The following TENM3 variants were observed in gnomAD, a reference collection of about 807,000 sequenced individuals.
TENM3 encodes teneurin transmembrane protein 3.
A neutral mutation model predicts 255.1 loss-of-function variants in TENM3; 63 were observed. That is an observed-to-expected ratio of 0.25 (90% confidence interval 0.20 to 0.30). The LOEUF (loss-of-function observed/expected upper bound fraction) is 0.30. Among genes scored for constraint, TENM3 ranks in the 10% least tolerant of loss-of-function variants. TENM3 has a pLI of 1.00. For missense variants in TENM3, 2,929 were observed against 3,461.1 expected, an observed-to-expected ratio of 0.85 and a Z score of 3.86; for synonymous variants, 1,306 against 1,322.3, an observed-to-expected ratio of 0.99 and a Z score of 0.27.
chr4:182,784,038 C>A (rs1207287144), intron 24 of TENM3, among the ~76,000 whole-genome samples: 7 of 152,200 alleles, frequency 4.6e-5, no homozygotes, highest in South Asian at 2.1e-4. Flanking sequence ...GATCGTCTGA[C>A]GCCTTCTACT....
At chr4:182,668,692 A>C (rs1754938452) in intron 6 of TENM3, among the ~76,000 whole-genome samples, 1 of 152,342 alleles carries the variant, frequency 6.6e-6, no homozygotes, top group Non-Finnish European at 1.5e-5. Context: ...GTATTCACAT[A>C]TCATTTCTGT....
the TENM3 span, among the ~76,000 whole-genome samples, chr4:181,592,256 A>AACACACACACACACACACACACACAC: frequency 0.015 from 2,262 of 148,364 alleles, 34 homozygotes; most frequent in South Asian, 0.029. Flanking sequence ...TTTAAACACA[A>AACACACACACACACACACACACACAC]ACACACACAC....
the TENM3 span, among the ~76,000 whole-genome samples, chr4:181,719,153 C>A: frequency 1.3e-5 from 2 of 151,810 alleles, no homozygotes; most frequent in South Asian, 4.2e-4. Flanking sequence ...TTGCAGTGAG[C>A]CGAGATCGCG....
chr4:182,050,906 C>G, the TENM3 span, among the ~76,000 whole-genome samples: 7 of 152,274 alleles, frequency 4.6e-5, no homozygotes, highest in Admixed American at 2.0e-4. Flanking sequence ...CTCCAGAGAT[C>G]ATCTTCAGCC....
At chr4:181,989,465 T>A in the TENM3 span, among the ~76,000 whole-genome samples, 1 of 152,180 alleles carries the variant, frequency 6.6e-6, no homozygotes, top group African/African-American at 2.4e-5. Flanking sequence ...AAAAAATCTT[T>A]AGAAATTTTC....
chr4:182,651,943 T>C (rs1753346281), intron 5 of TENM3, among the ~76,000 whole-genome samples: 1 of 152,246 alleles, frequency 6.6e-6, no homozygotes, highest in Admixed American at 6.5e-5. Context: ...ATAGTAGTAG[T>C]AGACTTTCAG....
the TENM3 span, among the ~76,000 whole-genome samples, chr4:181,928,425 A>G: frequency 6.6e-6 from 1 of 151,934 alleles, no homozygotes; most frequent in Non-Finnish European, 1.5e-5. Context: ...AGAAGAAAGG[A>G]TATCAGAAAT....
At chr4:182,149,813 T>C (rs1750216014) in intron 1 of TENM3, among the ~76,000 whole-genome samples, 1 of 152,086 alleles carries the variant, frequency 6.6e-6, no homozygotes, top group East Asian at 1.9e-4. Context: ...TCATTACTTA[T>C]GGAGATGTGG....
At chr4:181,958,062 C>G in the TENM3 span, among the ~76,000 whole-genome samples, 5 of 152,116 alleles carry the variant, frequency 3.3e-5, no homozygotes, top group Non-Finnish European at 7.4e-5. Flanking sequence ...CACAAGTAAG[C>G]TTCTTTGAAC....
intron 3 of TENM3, among the ~76,000 whole-genome samples, chr4:182,483,369 G>A (rs536090051): frequency 2.8e-4 from 42 of 152,204 alleles, no homozygotes; most frequent in Admixed American, 8.5e-4. Context: ...CCATATTGAA[G>A]GACAGTTGCA....
At chr4:181,661,250 C>G in the TENM3 span, among the ~76,000 whole-genome samples, 2 of 152,280 alleles carry the variant, frequency 1.3e-5, no homozygotes, top group Non-Finnish European at 2.9e-5. Flanking sequence ...TCAGCACATG[C>G]TCACGAGCTG....
intron 3 of TENM3, among the ~76,000 whole-genome samples, chr4:182,448,763 C>A (rs972685344): frequency 6.6e-6 from 1 of 151,746 alleles, no homozygotes; most frequent in Non-Finnish European, 1.5e-5. Flanking sequence ...GCTGGGGGCA[C>A]GGCTGCTCAC....
the TENM3 span, among the ~76,000 whole-genome samples, chr4:181,820,857 G>A: frequency 4.0e-4 from 61 of 152,032 alleles, no homozygotes; most frequent in Non-Finnish European, 4.0e-4. Flanking sequence ...TTATATCATC[G>A]CCTTTTAAAA....
At chr4:181,757,285 A>G in the TENM3 span, among the ~76,000 whole-genome samples, 2 of 152,192 alleles carry the variant, frequency 1.3e-5, no homozygotes, top group African/African-American at 4.8e-5. Flanking sequence ...AGAGTTTCTC[A>G]GTCTCTGTCA....
Position 182,738,531 on chromosome 4 carries a change from G to A in TENM3, c.3366G>A (p.Leu1122=). Residue 1122 remains leucine (L), a synonymous_variant, in exon 18 of 28, where the codon CTG becomes CTA. Transcript: ENST00000511685. ...GGWTLDKHHV[L]DVQNGILYKG... ...GGACATTAGATAAACATCACGTGCT[G>A]GATGTACAGAACGGTAAGCTCTTGT... The A allele has an allele frequency of 6.2e-7, 1 of 1,611,946 alleles. No homozygotes were observed. The highest frequency in any genetic ancestry group is 8.5e-7 in the Non-Finnish European group (1 of 1,178,968).
rs4862086 is a variant in TENM3 at position 182,735,375 on chromosome 4, T to C, written c.2968-1433T>C. On this transcript the variant is annotated intron_variant, in intron 16 of 27. Transcript: ENST00000511685. ...TCCTTCGTCCATTCATTCATGCTGC[T>C]TCCAACTGTGTGATTGTTTATATTG... Among the ~76,000 whole-genome samples, 1,162 of 152,298 alleles carry C rather than the reference T, an allele frequency of 7.6e-3. 35 individuals carry two copies. The highest frequency in any genetic ancestry group is 0.05 in the Admixed American group (770 of 15,292).
the TENM3 span, among the ~76,000 whole-genome samples, chr4:181,878,702 A>G: frequency 6.6e-6 from 1 of 151,920 alleles, no homozygotes; most frequent in East Asian, 1.9e-4. Context: ...CCGTCTGTCT[A>G]TATACCTATT....
chr4:182,670,776 C>T (rs1755132739), intron 6 of TENM3, among the ~76,000 whole-genome samples: 1 of 152,082 alleles, frequency 6.6e-6, no homozygotes, highest in African/African-American at 2.4e-5. Flanking sequence ...AGGTCATGTT[C>T]CGTAGTAATC....
intron 3 of TENM3, among the ~76,000 whole-genome samples, chr4:182,420,716 T>A (rs2151134401): frequency 6.6e-6 from 1 of 152,334 alleles, no homozygotes; most frequent in East Asian, 1.9e-4. Flanking sequence ...ACATGAGGAT[T>A]GATGAATGGA....
Sources: allele counts gnomAD v4.1 joint callset (sites outside exome capture counted in the v4.1 genomes callset), GRCh38; gene constraint gnomAD v4.1.1; transcripts MANE v1.5; gene names NCBI Gene and HGNC (gene_info 2026-07-23, HGNC 2026-07-21).